PRKN: variants seen among roughly 807,000 people sequenced by gnomAD.
The protein encoded by PRKN is E3 ubiquitin-protein ligase parkin.
In PRKN, 56 loss-of-function variants were observed where a neutral mutation model predicts 59.5. The ratio of observed to expected loss-of-function variants is 0.94; its 90% CI spans 0.76 to 1.18. The LOEUF (loss-of-function observed/expected upper bound fraction) is 1.18. PRKN is among the 50% of genes most tolerant of loss of function. The probability of loss-of-function intolerance (pLI) is 0.00; values close to 1 mark genes in which losing one functional copy is unlikely to be tolerated. For missense variants in PRKN, 657 were observed against 596.4 expected (o/e 1.10, Z -1.06); for synonymous variants, 250 against 222.1 (o/e 1.13, Z -1.12).
intron 6 of PRKN, among the ~76,000 whole-genome samples, chr6:161,874,816 G>GTATAATATGTAAAATATA (rs1794625175): frequency 1.1e-5 from 1 of 93,560 alleles, no homozygotes; most frequent in Non-Finnish European, 1.8e-5. Flanking sequence ...TATATAAAAT[G>GTATAATATGTAAAATATA]TATAATATAT....
intron 3 of PRKN, among the ~76,000 whole-genome samples, chr6:162,219,807 C>T (rs1168319871): frequency 6.6e-6 from 1 of 151,994 alleles, no homozygotes; most frequent in African/African-American, 2.4e-5. Flanking sequence ...TAGTATTTGC[C>T]TTTAATGATG....
chr6:162,407,555 G>A (rs9364653), intron 2 of PRKN, among the ~76,000 whole-genome samples: 16,130 of 152,070 alleles, frequency 0.11, 1,071 homozygotes, highest in African/African-American at 0.19. Flanking sequence ...GATTTCATGC[G>A]TCAACTTCAA....
At chr6:161,824,259 T>A (rs1792150167) in intron 6 of PRKN, among the ~76,000 whole-genome samples, 1 of 152,182 alleles carries the variant, frequency 6.6e-6, no homozygotes, top group Admixed American at 6.5e-5. Flanking sequence ...CAGAAGCCTG[T>A]CTGTGGATAA....
chr6:161,595,411 C>T (rs1436683232), intron 7 of PRKN, among the ~76,000 whole-genome samples: 1 of 152,154 alleles, frequency 6.6e-6, no homozygotes, highest in African/African-American at 2.4e-5. Context: ...AAAGTAAAGG[C>T]TTCTGTTATG....
intron 1 of PRKN, among the ~76,000 whole-genome samples, chr6:162,694,472 A>G (rs1777900141): frequency 6.6e-6 from 1 of 152,120 alleles, no homozygotes; most frequent in Non-Finnish European, 1.5e-5. Flanking sequence ...CCATTTGCAC[A>G]GGTGCTCCTA....
chr6:161,511,235 G>C (rs924924575), intron 9 of PRKN, among the ~76,000 whole-genome samples: 1 of 152,218 alleles, frequency 6.6e-6, no homozygotes, highest in African/African-American at 2.4e-5. Context: ...GGCACTGCAG[G>C]AGCAGTTCAA....
Position 161,576,521 on chromosome 6 carries a change from A to C in PRKN, c.872-7105T>G, listed in dbSNP as rs1215477031. Reference sequence around the variant, plus strand: ...TGACCATCAACAGAAGAAGAGATAAAATCATTCAACAAATAGCCATTGTGC... The same window carrying C: ...TGACCATCAACAGAAGAAGAGATAACATCATTCAACAAATAGCCATTGTGC... On this transcript the variant is annotated intron_variant, in intron 7 of 11. Transcript: ENST00000366898. The surrounding 1 kb of genome is among the most constrained non-coding windows in gnomAD (Gnocchi z 4.6). Among the ~76,000 whole-genome samples the C allele has an allele frequency of 4.6e-5, 7 of 152,244 alleles. No individual in the cohort carries two copies. Among genetic ancestry groups the C allele is most frequent in the Non-Finnish European group, 1.0e-4 (7 of 68,050 alleles).
chr6:162,609,533 C>T (rs1383758178), intron 1 of PRKN, among the ~76,000 whole-genome samples: 3 of 152,150 alleles, frequency 2.0e-5, no homozygotes, highest in Non-Finnish European at 4.4e-5. Context: ...AGTCAAATAT[C>T]ACTAACACTG....
intron 7 of PRKN, among the ~76,000 whole-genome samples, chr6:161,675,221 T>C (rs1029493145): frequency 1.3e-5 from 2 of 152,126 alleles, no homozygotes; most frequent in African/African-American, 2.4e-5. Flanking sequence ...TCCCCAGTAT[T>C]TGGAAAGACT....
intron 2 of PRKN, among the ~76,000 whole-genome samples, chr6:162,353,996 G>T (rs866310411): frequency 6.6e-6 from 1 of 152,022 alleles, no homozygotes; most frequent in African/African-American, 2.4e-5. Context: ...TTATTTTATC[G>T]TTATAAGTTC....
intron 7 of PRKN, among the ~76,000 whole-genome samples, chr6:161,760,535 A>G (rs938421520): frequency 2.6e-5 from 4 of 151,836 alleles, no homozygotes; most frequent in Non-Finnish European, 5.9e-5. Context: ...CCTGTGTGGA[A>G]CCCGAGATTC....
In PRKN at chr6:162,117,762, C is replaced by T. The variant is rs116345836; in HGVS notation, c.535-63588G>A. Among the ~76,000 whole-genome samples, 1,184 of 152,314 alleles carry T rather than the reference C, an allele frequency of 7.8e-3. 25 individuals are homozygous for T. The highest frequency in any genetic ancestry group is 0.027 in the African/African-American group (1,103 of 41,572). ...TTTTACCTCTATGCACAGAGAGAAACATCTGAGTGAATGCAACTGATGGAA... is the reference window on the plus strand; with the variant it reads ...TTTTACCTCTATGCACAGAGAGAAATATCTGAGTGAATGCAACTGATGGAA... On this transcript the variant is annotated intron_variant, in intron 4 of 11. Transcript: ENST00000366898.
intron 7 of PRKN, among the ~76,000 whole-genome samples, chr6:161,748,440 T>C (rs1788529614): frequency 6.6e-6 from 1 of 151,630 alleles, no homozygotes; most frequent in Non-Finnish European, 1.5e-5. Flanking sequence ...GTAGAAAGCA[T>C]GAAACTAATC....
chr6:162,233,227 T>C (rs1778498859), intron 3 of PRKN, among the ~76,000 whole-genome samples: 2 of 152,200 alleles, frequency 1.3e-5, no homozygotes, highest in African/African-American at 4.8e-5. Flanking sequence ...GTAAAGGTTA[T>C]TCATTAATAT....
In PRKN at chr6:161,658,083, A is replaced by T. The variant is rs542690367; in HGVS notation, c.872-88667T>A. The stretch of plus-strand genomic sequence containing the variant: ...TGCCAGTTGAAACTACTCACATTTT[A>T]AAAGGATGTCACACAAATTTCAGCC... On this transcript the variant is annotated intron_variant, in intron 7 of 11. Transcript: ENST00000366898. Among the ~76,000 whole-genome samples the T allele has an allele frequency of 1.4e-3, 218 of 152,026 alleles. 1 individual carries two copies. The highest frequency in any genetic ancestry group is 4.9e-3 in the African/African-American group (202 of 41,518).
At chr6:162,539,312 A>G (rs1197825726) in intron 1 of PRKN, among the ~76,000 whole-genome samples, 1 of 152,226 alleles carries the variant, frequency 6.6e-6, no homozygotes. Context: ...CATCAAGAAA[A>G]TTAGACACAT....
rs1427426656 is a variant in PRKN, at chr6:161,461,854, G to A, written c.1084-74977C>T. Among the ~76,000 whole-genome samples, 4 of 152,154 alleles carry A rather than the reference G, an allele frequency of 2.6e-5. No individual in the cohort carries two copies. The highest frequency in any genetic ancestry group is 4.8e-5 in the African/African-American group (2 of 41,428). ...GTCTAGTTAGAGACACAGACTTGGGGCCTATCAACTATAGGCAGTCAGAAC... is the reference window on the plus strand; with the variant it reads ...GTCTAGTTAGAGACACAGACTTGGGACCTATCAACTATAGGCAGTCAGAAC... On this transcript the variant is annotated intron_variant, in intron 9 of 11. Transcript: ENST00000366898. The surrounding 1 kb of genome is among the most constrained non-coding windows in gnomAD (Gnocchi z 5.1).
At chr6:162,635,927 A>G (rs1777693900) in intron 1 of PRKN, among the ~76,000 whole-genome samples, 1 of 152,172 alleles carries the variant, frequency 6.6e-6, no homozygotes, top group Non-Finnish European at 1.5e-5. Flanking sequence ...AAAGCCTCCC[A>G]AATGAAAACC....
Position 162,668,070 on chromosome 6 carries a change from T to C in PRKN, c.7+59592A>G, listed in dbSNP as rs146874734. 1.8e-4 allele frequency among the ~76,000 whole-genome samples: 27 copies of C among 152,326 alleles called. No individual in the cohort carries two copies. In the East Asian group the frequency reaches 5.2e-3, roughly 29 times the overall value. ...TTTCTCAATTTAGCTTATAATTATGTTGATTAAAACAATAACAAAAATATT... is the reference window on the plus strand; with the variant it reads ...TTTCTCAATTTAGCTTATAATTATGCTGATTAAAACAATAACAAAAATATT... On this transcript the variant is annotated intron_variant, in intron 1 of 11. Coordinates refer to ENST00000366898, the MANE Select transcript of PRKN (RefSeq NM_004562.3).
Sources: allele counts gnomAD v4.1 joint callset (sites outside exome capture counted in the v4.1 genomes callset), GRCh38; gene constraint gnomAD v4.1.1; non-coding constraint Gnocchi (gnomAD v3.1); transcripts MANE v1.5; gene names NCBI Gene and HGNC (gene_info 2026-07-23, HGNC 2026-07-21).